IRGQ: variants seen among roughly 807,000 people sequenced by gnomAD.
IRGQ encodes the protein immunity related GTPase Q.
Under a neutral mutation model 10.5 loss-of-function variants are expected in IRGQ, and 5 were observed. The observed-to-expected ratio is 0.48, with a 90% confidence interval of 0.25 to 1.00. The LOEUF is 1.00. IRGQ is among the 50% of genes least tolerant of loss of function. The probability of loss-of-function intolerance (pLI) is 0.16; values close to 1 mark genes in which losing one functional copy is unlikely to be tolerated. For missense variants in IRGQ, 792 were observed against 877.7 expected (o/e 0.90, Z 1.23); for synonymous variants, 418 against 426.0 (o/e 0.98, Z 0.23).
chr19:43,593,424 C>T lies in IRGQ; in HGVS notation c.531-57G>A. 1 of 1,461,944 alleles carries T rather than the reference C, an allele frequency of 6.8e-7. No homozygotes were observed. Among genetic ancestry groups the T allele is most frequent in the Non-Finnish European group, 9.1e-7 (1 of 1,103,160 alleles). 90.6% of individuals were successfully genotyped at this position (1,461,944 alleles called of 1,614,324 possible). A position where few individuals can be genotyped will look rare whatever the true frequency, so the allele number is the denominator to read the frequency against. On this transcript the variant is annotated intron_variant, in intron 2 of 2. Transcript: ENST00000422989. This position sits in a 1 kb window ranked among gnomAD's most constrained non-coding sequence, Gnocchi z 6.4. ...TAGAAGAGGGGCTGGGTGACATGGACTGGGCTATGATGACAAGGGCAGAGC... is the reference window on the plus strand; with the variant it reads ...TAGAAGAGGGGCTGGGTGACATGGATTGGGCTATGATGACAAGGGCAGAGC...
Position 43,591,745 on chromosome 19 carries a change from C to T in IRGQ, c.*281G>A. The T allele has an allele frequency of 3.3e-6, 1 of 300,512 alleles. No individual in the cohort carries two copies. Among genetic ancestry groups the T allele is most frequent in the East Asian group, 5.6e-5 (1 of 17,838 alleles). The allele number at this position is 300,512 out of a possible 1,614,324, so 18.6% of individuals were successfully genotyped here. ...CACCTGTAATCCCAGCTACTCCGGA[C>T]GCTGAGGCAGGAGAATCGCTTGAAC... On this transcript the variant is annotated 3_prime_UTR_variant, in exon 3 of 3. Transcript: ENST00000422989.
rs979964994 is a variant in IRGQ at position 43,588,207 on chromosome 19, G to A, written c.*3819C>T. The A allele has an allele frequency of 1.3e-5, 2 of 151,738 alleles. No individual in the cohort carries two copies. Among genetic ancestry groups the A allele is most frequent in the African/African-American group, 4.8e-5 (2 of 41,248 alleles). 9.4% of individuals were successfully genotyped at this position (151,738 alleles called of 1,614,324 possible). A position where few individuals can be genotyped will look rare whatever the true frequency, so the allele number is the denominator to read the frequency against. ...AGCACTTTGGGAGGCTGAGGCCGGT[G>A]GATCACCTGAGGTCAGGAGTTCAAG... is the stretch of plus-strand genomic sequence containing the variant. On this transcript the variant is annotated 3_prime_UTR_variant, in exon 3 of 3. Coordinates refer to ENST00000422989, the MANE Select transcript of IRGQ (RefSeq NM_001007561.3).
At position 43,592,030 on chromosome 19, in the gene IRGQ, T is replaced by A. The variant is rs761268887; in HGVS notation, c.1868A>T (p.Gln623Leu). ...EAVLAPPEPA[Q>L] ...TCCCAAGCCCCCTCCCACTCCTCAC[T>A]GGGCAGGCTCAGGGGGTGCCAGCAC... Residue 623 changes from glutamine to leucine, a missense_variant, in exon 3 of 3, where the codon CAG becomes CTG. Transcript: ENST00000422989. 2.5e-6 allele frequency: 4 copies of A among 1,591,710 alleles called. No individual in the cohort carries two copies. In the Admixed American group the frequency reaches 6.9e-5, roughly 27 times the overall value.
In IRGQ at chr19:43,593,440, A is replaced by G; in HGVS notation, c.531-73T>C. On this transcript the variant is annotated intron_variant, in intron 2 of 2. Coordinates refer to ENST00000422989, the MANE Select transcript of IRGQ (RefSeq NM_001007561.3). The surrounding 1 kb of genome is among the most constrained non-coding windows in gnomAD (Gnocchi z 6.4). The stretch of plus-strand genomic sequence containing the variant: ...TGACATGGACTGGGCTATGATGACA[A>G]GGGCAGAGCTTTCCTAATGATCCCA... 7.1e-7 allele frequency: 1 copy of G among 1,399,216 alleles called. No individual in the cohort carries two copies. Among genetic ancestry groups the G allele is most frequent in the East Asian group, 2.4e-5 (1 of 42,066 alleles). 86.7% of individuals were successfully genotyped at this position (1,399,216 alleles called of 1,614,324 possible). A position where few individuals can be genotyped will look rare whatever the true frequency, so the allele number is the denominator to read the frequency against.
chr19:43,588,538 G>A lies in IRGQ; in HGVS notation c.*3488C>T, dbSNP rs908864020. ...GTTCCAGACCAGCCTGATCAACATG[G>A]TGAAACCCCATCTCTACTAAAAATA... On this transcript the variant is annotated 3_prime_UTR_variant, in exon 3 of 3. Transcript: ENST00000422989. The A allele has an allele frequency of 6.6e-6, 1 of 152,220 alleles. No homozygotes were observed. The highest frequency in any genetic ancestry group is 6.5e-5 in the Admixed American group (1 of 15,280). 9.4% of individuals were successfully genotyped at this position (152,220 alleles called of 1,614,324 possible). A position where few individuals can be genotyped will look rare whatever the true frequency, so the allele number is the denominator to read the frequency against.
Position 43,587,098 on chromosome 19 carries a change from G to A in IRGQ, c.*4928C>T, listed in dbSNP as rs1203557527. On this transcript the variant is annotated 3_prime_UTR_variant, in exon 3 of 3. Transcript: ENST00000422989. The stretch of plus-strand genomic sequence containing the variant: ...TAATACCAGCACTTTGGGAGGCCGA[G>A]GTGGGCGGATCACCTGAGGTCAGCA... 1.3e-5 allele frequency: 2 copies of A among 152,246 alleles called. No homozygotes were observed. The highest frequency in any genetic ancestry group is 2.9e-5 in the Non-Finnish European group (2 of 68,050). The allele number at this position is 152,246 out of a possible 1,614,324, so 9.4% of individuals were successfully genotyped here.
In IRGQ at chr19:43,588,153, C is replaced by G. The variant is rs762940835; in HGVS notation, c.*3873G>C. 6.6e-6 allele frequency: 1 copy of G among 151,182 alleles called. No individual in the cohort carries two copies. Among genetic ancestry groups the G allele is most frequent in the African/African-American group, 2.4e-5 (1 of 41,092 alleles). The allele number at this position is 151,182 out of a possible 1,614,324, so 9.4% of individuals were successfully genotyped here. ...TCTACTAAAAATACAAAAATTAGGACGGGTGCAGTGGCTCACGCCTATAAT... is the reference window on the plus strand; with the variant it reads ...TCTACTAAAAATACAAAAATTAGGAGGGGTGCAGTGGCTCACGCCTATAAT... On this transcript the variant is annotated 3_prime_UTR_variant, in exon 3 of 3. Coordinates refer to ENST00000422989, the MANE Select transcript of IRGQ (RefSeq NM_001007561.3).
chr19:43,593,337 C>T lies in IRGQ; in HGVS notation c.561G>A (p.Glu187=). The T allele has an allele frequency of 6.5e-7, 1 of 1,528,848 alleles. No individual in the cohort carries two copies. Among genetic ancestry groups the T allele is most frequent in the Non-Finnish European group, 8.8e-7 (1 of 1,137,900 alleles). 94.7% of individuals were successfully genotyped at this position (1,528,848 alleles called of 1,614,324 possible). The change falls in exon 3 of 3, where the codon GAG becomes GAA. Residue 187 remains glutamate (E), a synonymous_variant. Transcript: ENST00000422989. The surrounding 1 kb of genome is among the most constrained non-coding windows in gnomAD (Gnocchi z 6.4). ...CCTCTAGCTCTGCTGCACCCAACACCTCGAAGCCATCCTGCGCCGGTGGCA... is the reference window on the plus strand; with the variant it reads ...CCTCTAGCTCTGCTGCACCCAACACTTCGAAGCCATCCTGCGCCGGTGGCA... ...RLLPPAQDGF[E]VLGAAELEAV...
chr19:43,589,896 A>G lies in IRGQ; in HGVS notation c.*2130T>C, dbSNP rs1307788674. 1 of 152,194 alleles carries G rather than the reference A, an allele frequency of 6.6e-6. No homozygotes were observed. Among genetic ancestry groups the G allele is most frequent in the African/African-American group, 2.4e-5 (1 of 41,428 alleles). 9.4% of individuals were successfully genotyped at this position (152,194 alleles called of 1,614,324 possible). Reference sequence around the variant, plus strand: ...GAGAGTAGAACAGGAAGTTGTGAGTAGAGCCTTGAAGGAAAGAGAACAGCA... The same window carrying G: ...GAGAGTAGAACAGGAAGTTGTGAGTGGAGCCTTGAAGGAAAGAGAACAGCA... On this transcript the variant is annotated 3_prime_UTR_variant, in exon 3 of 3. Coordinates refer to ENST00000422989, the MANE Select transcript of IRGQ (RefSeq NM_001007561.3).
In IRGQ at chr19:43,592,808, T is replaced by C. The variant is rs1239370054; in HGVS notation, c.1090A>G (p.Asn364Asp). Reference protein sequence around the residue: ...LKNAGGGGLENALSKGREKCS... With the variant: ...LKNAGGGGLEDALSKGREKCS... ...TTCTCCCTTCCCTTACTGAGTGCAT[T>C]CTCCAATCCCCCTCCACCTGCGTTC... Residue 364 changes from asparagine (N) to aspartate (D), a missense_variant, in exon 3 of 3, where the codon AAT (asparagine) becomes GAT (aspartate). Coordinates refer to ENST00000422989, the MANE Select transcript of IRGQ (RefSeq NM_001007561.3). The C allele has an allele frequency of 3.1e-6, 5 of 1,613,898 alleles. No homozygotes were observed. The Admixed American group carries it at 5.0e-5, about 16-fold the overall frequency.
At position 43,590,661 on chromosome 19, in the gene IRGQ, T is replaced by C. The variant is rs1364503840; in HGVS notation, c.*1365A>G. 6.6e-6 allele frequency: 1 copy of C among 152,036 alleles called. No individual in the cohort carries two copies. Among genetic ancestry groups the C allele is most frequent in the Non-Finnish European group, 1.5e-5 (1 of 68,014 alleles). The allele number at this position is 152,036 out of a possible 1,614,324, so 9.4% of individuals were successfully genotyped here. A position where few individuals can be genotyped will look rare whatever the true frequency, so the allele number is the denominator to read the frequency against. On this transcript the variant is annotated 3_prime_UTR_variant, in exon 3 of 3. Coordinates refer to ENST00000422989, the MANE Select transcript of IRGQ (RefSeq NM_001007561.3). ...CAGTGCAGCAGTACAGCTGCTCTTC[T>C]GAAAAGGAAGGTGCACAAAACACCA...
At chr19:43,594,683 AAAT>A (rs796191282) in intron 2 of IRGQ, 123 bp downstream of exon 2, 4 of 639,784 alleles carry the variant, frequency 6.3e-6, no homozygotes, top group Non-Finnish European at 9.5e-6. Context: ...AAAAAAAAAA[AAAT>A]AATAATAATA....
chr19:43,592,616 G>A lies in IRGQ; in HGVS notation c.1282C>T (p.Pro428Ser). The change falls in exon 3 of 3, where the codon CCG becomes TCG. Residue 428 changes from proline (P) to serine (S), a missense_variant. Physicochemically the swap from Pro to Ser is moderately conservative, Grantham distance 74. Transcript: ENST00000422989. ...DETWEVLEEA[P>S]PPVFPLRPGG... ...GGCCGTAGGGGGAACACTGGCGGCGGCGCCTCCTCCAGCACCTCCCACGTC... is the reference window on the plus strand; with the variant it reads ...GGCCGTAGGGGGAACACTGGCGGCGACGCCTCCTCCAGCACCTCCCACGTC... 6.2e-7 allele frequency: 1 copy of A among 1,601,730 alleles called. No individual in the cohort carries two copies. The highest frequency in any genetic ancestry group is 8.5e-7 in the Non-Finnish European group (1 of 1,179,900).
In IRGQ at chr19:43,596,094, T is replaced by A. The variant is rs1038159155; in HGVS notation, c.-115A>T. On this transcript the variant is annotated 5_prime_UTR_variant, in exon 1 of 3. Transcript: ENST00000422989. Reference sequence around the variant, plus strand: ...GGAGGCCGAAGAGGCCAGGGAGCGGTGATTTAGAGATGCCGGGACCCGTCC... The same window carrying A: ...GGAGGCCGAAGAGGCCAGGGAGCGGAGATTTAGAGATGCCGGGACCCGTCC... The A allele has an allele frequency of 2.0e-5, 3 of 151,728 alleles. No homozygotes were observed. Among genetic ancestry groups the A allele is most frequent in the African/African-American group, 7.3e-5 (3 of 41,252 alleles). The allele number at this position is 151,728 out of a possible 1,614,324, so 9.4% of individuals were successfully genotyped here.
In IRGQ at chr19:43,591,887, C is replaced by T. The variant is rs1973060110; in HGVS notation, c.*139G>A. The T allele has an allele frequency of 3.9e-6, 3 of 765,872 alleles. No individual in the cohort carries two copies. Among genetic ancestry groups the T allele is most frequent in the Admixed American group, 2.6e-5 (1 of 38,242 alleles). 47.4% of individuals were successfully genotyped at this position (765,872 alleles called of 1,614,324 possible). A position where few individuals can be genotyped will look rare whatever the true frequency, so the allele number is the denominator to read the frequency against. ...AAAAAAAAAAATCAGGATTCCTGTC[C>T]CCCAGACTCTCTGAATCCAGGTGAT... On this transcript the variant is annotated 3_prime_UTR_variant, in exon 3 of 3. Transcript: ENST00000422989.
In IRGQ at chr19:43,591,531, C is replaced by T. The variant is rs1973053924; in HGVS notation, c.*495G>A. The T allele has an allele frequency of 2.0e-5, 3 of 153,642 alleles. No homozygotes were observed. Among genetic ancestry groups the T allele is most frequent in the African/African-American group, 7.2e-5 (3 of 41,482 alleles). 9.5% of individuals were successfully genotyped at this position (153,642 alleles called of 1,614,324 possible). A position where few individuals can be genotyped will look rare whatever the true frequency, so the allele number is the denominator to read the frequency against. On this transcript the variant is annotated 3_prime_UTR_variant, in exon 3 of 3. Coordinates refer to ENST00000422989, the MANE Select transcript of IRGQ (RefSeq NM_001007561.3). ...CTTCAGGACAGAAGGGTCTAGATGT[C>T]ATTCACCATGGTTCCCAAAGGTATC...
chr19:43,595,596 G>T (rs1284426742), intron 1 of IRGQ: 2 of 364,102 alleles, frequency 5.5e-6, no homozygotes, highest in Non-Finnish European at 4.9e-6. Flanking sequence ...AGGCGCGGTG[G>T]CTCATGCCTG....
Position 43,592,458 on chromosome 19 carries a change from C to T in IRGQ, c.1440G>A (p.Gly480=), listed in dbSNP as rs908657734. The change falls in exon 3 of 3, where the codon GGG becomes GGA. Residue 480 remains glycine, a synonymous_variant. Coordinates refer to ENST00000422989, the MANE Select transcript of IRGQ (RefSeq NM_001007561.3). ...ARTKAAALRA[G]AWRPALLASL... is the part of the protein sequence containing the mutation. ...TAGCCAGCAGAGCTGGCCTCCACGC[C>T]CCGGCTCGCAACGCCGCAGCCTTGG... The T allele has an allele frequency of 2.5e-6, 4 of 1,585,788 alleles. No individual in the cohort carries two copies. Among genetic ancestry groups the T allele is most frequent in the South Asian group, 1.1e-5 (1 of 89,766 alleles).
rs1216701004 is a variant in IRGQ at position 43,594,793 on chromosome 19, G to A, written c.530+16C>T. Reference sequence around the variant, plus strand: ...GGGTCTCGACTAACGGACCCAGCCAGAAAGCCGGCACTCACCTCCGCAGCG... The same window carrying A: ...GGGTCTCGACTAACGGACCCAGCCAAAAAGCCGGCACTCACCTCCGCAGCG... On this transcript the variant is annotated intron_variant, in intron 2 of 2. Transcript: ENST00000422989. 8 of 1,583,228 alleles carry A rather than the reference G, an allele frequency of 5.1e-6. No homozygotes were observed.
Sources: allele counts gnomAD v4.1 joint callset, GRCh38; gene constraint gnomAD v4.1.1; non-coding constraint Gnocchi (gnomAD v3.1); transcripts MANE v1.5; gene names NCBI Gene and HGNC (gene_info 2026-07-23, HGNC 2026-07-21).